Variants in GLS observed in about 807,000 individuals in gnomAD.
GLS encodes glutaminase, also known as glutaminase kidney isoform, mitochondrial.
In GLS, 36 loss-of-function variants were observed where a neutral mutation model predicts 86.7. The ratio of observed to expected loss-of-function variants is 0.42; its 90% CI spans 0.32 to 0.55. The LOEUF is 0.55. Among genes scored for constraint, GLS ranks in the 20% least tolerant of loss-of-function variants. The probability of loss-of-function intolerance (pLI) is 0.17; values close to 1 mark genes in which losing one functional copy is unlikely to be tolerated. For synonymous variants in GLS, 317 were observed against 305.9 expected (o/e 1.04, Z -0.38); for missense variants, 528 against 833.4 (o/e 0.63, Z 4.51).
At chr2:190,916,997 G>A (rs1055523550) in intron 7 of GLS, among the ~76,000 whole-genome samples, 2 of 152,190 alleles carry the variant, frequency 1.3e-5, no homozygotes, top group Admixed American at 6.5e-5. Context: ...AATGGTGGTG[G>A]TTGCTGAAGA....
intron 14 of GLS, among the ~76,000 whole-genome samples, chr2:190,944,196 A>ATTT (rs5837212): frequency 2.7e-5 from 4 of 147,236 alleles, no homozygotes; most frequent in African/African-American, 5.0e-5. Flanking sequence ...AATGGCCTGG[A>ATTT]TTTTTTTTTT....
At chr2:190,891,417 A>G (rs755461729) in intron 1 of GLS, among the ~76,000 whole-genome samples, 3 of 152,104 alleles carry the variant, frequency 2.0e-5, no homozygotes, top group Admixed American at 1.3e-4. Context: ...ATGATCATTG[A>G]TAGCTTAAGA....
chr2:190,949,640 C>T lies in GLS; in HGVS notation c.1651-3925C>T, dbSNP rs932775739. ...CCCGAGAGGCGAAGGTTGTATGAGC[C>T]GAGATCTTGCCACTGCACTCCAGCC... On this transcript the variant is annotated intron_variant, in intron 14 of 17. Transcript: ENST00000320717. This position sits in a 1 kb window ranked among gnomAD's most constrained non-coding sequence, Gnocchi z 4.0. Among the ~76,000 whole-genome samples the T allele has an allele frequency of 1.3e-4, 19 of 151,898 alleles. No individual in the cohort carries two copies. The highest frequency in any genetic ancestry group is 1.9e-4 in the Non-Finnish European group (13 of 67,974).
At position 190,924,474 on chromosome 2, in the gene GLS, T is replaced by G. The variant is rs574007459; in HGVS notation, c.1198-69T>G. On this transcript the variant is annotated intron_variant, in intron 10 of 17. Transcript: ENST00000320717. The surrounding 1 kb of genome is among the most constrained non-coding windows in gnomAD (Gnocchi z 5.2). ...AACACTTGTGTACATTTGAAATTTTTCATATATTTCTCTACTTATGTGCAT... is the reference window on the plus strand; with the variant it reads ...AACACTTGTGTACATTTGAAATTTTGCATATATTTCTCTACTTATGTGCAT... The G allele has an allele frequency of 1.2e-6, 1 of 804,146 alleles. No individual in the cohort carries two copies. Among genetic ancestry groups the G allele is most frequent in the East Asian group, 2.5e-5 (1 of 40,780 alleles). 49.8% of individuals were successfully genotyped at this position (804,146 alleles called of 1,614,324 possible).
rs1157289574 is a variant in GLS, at chr2:190,943,233, G to A, written c.1651-10332G>A. ...TGAGATATCTAAGTAGTGATGTTGA[G>A]TAAGCAGTCAGATTTAGGCCTAAAA... On this transcript the variant is annotated intron_variant, in intron 14 of 17. Coordinates refer to ENST00000320717, the MANE Select transcript of GLS (RefSeq NM_014905.5). The surrounding 1 kb of genome is among the most constrained non-coding windows in gnomAD (Gnocchi z 4.5). Among the ~76,000 whole-genome samples the A allele has an allele frequency of 2.0e-5, 3 of 152,182 alleles. No homozygotes were observed. The highest frequency in any genetic ancestry group is 2.9e-5 in the Non-Finnish European group (2 of 68,028).
intron 14 of GLS, among the ~76,000 whole-genome samples, chr2:190,937,082 T>A (rs1429051820): frequency 6.6e-6 from 1 of 151,348 alleles, no homozygotes; most frequent in Non-Finnish European, 1.5e-5. Flanking sequence ...ATGCTCAGAT[T>A]TTCATTTAGA....
chr2:190,885,350 C>G (rs575690980), intron 1 of GLS, among the ~76,000 whole-genome samples: 2 of 152,040 alleles, frequency 1.3e-5, no homozygotes, highest in African/African-American at 4.8e-5. Context: ...CGCCACCATG[C>G]GTGGCTAATT....
At chr2:190,933,516 A>G (rs1690175310) in intron 14 of GLS, 27 of 921,914 alleles carry the variant, frequency 2.9e-5, no homozygotes, top group Non-Finnish European at 3.5e-5. Context: ...CTGTTCTGTC[A>G]GAGTTGTTAT....
At chr2:190,927,161 C>T in intron 11 of GLS, 145 bp from the exon 12 acceptor site, 2 of 689,726 alleles carry the variant, frequency 2.9e-6, no homozygotes, top group Non-Finnish European at 4.5e-6. Context: ...CTAAAATCTT[C>T]AGAATGTCCT....
intron 1 of GLS, among the ~76,000 whole-genome samples, chr2:190,889,327 G>A (rs945851370): frequency 6.6e-6 from 1 of 152,150 alleles, no homozygotes; most frequent in Non-Finnish European, 1.5e-5. Context: ...CCCAGCTGCT[G>A]CTTTCTTCTC....
intron 4 of GLS, among the ~76,000 whole-genome samples, chr2:190,901,061 T>G (rs1343125633): frequency 6.6e-6 from 1 of 152,122 alleles, no homozygotes; most frequent in Admixed American, 6.6e-5. Context: ...TATTTGATTT[T>G]CATATAGAAA....
chr2:190,907,335 G>A (rs775509209), intron 6 of GLS, among the ~76,000 whole-genome samples: 8 of 149,724 alleles, frequency 5.3e-5, no homozygotes, highest in Non-Finnish European at 7.4e-5. Context: ...TCGGCTCACC[G>A]CAACCTCCGC....
intron 1 of GLS, among the ~76,000 whole-genome samples, chr2:190,892,187 A>G (rs953641896): frequency 6.6e-6 from 1 of 152,152 alleles, no homozygotes; most frequent in Admixed American, 6.5e-5. Context: ...AAGACAGTTA[A>G]AGGCTAAAGT....
chr2:190,927,777 T>C (rs866171190), intron 12 of GLS: 7 of 191,372 alleles, frequency 3.7e-5, no homozygotes, highest in Middle Eastern at 2.0e-3. Context: ...TTTAGCATTA[T>C]GATTATGTAT....
intron 7 of GLS, 27 bp downstream of exon 7, chr2:190,910,348 C>T: frequency 7.6e-7 from 1 of 1,322,390 alleles, no homozygotes; most frequent in South Asian, 1.3e-5. Context: ...TCATTTTAAC[C>T]TAGTAAAACT....
chr2:190,932,838 G>T, intron 14 of GLS: 1 of 1,559,982 alleles, frequency 6.4e-7, no homozygotes, highest in Non-Finnish European at 8.7e-7. Flanking sequence ...TATATAGAAT[G>T]GAAAGTCTGG....
Position 190,924,634 on chromosome 2 carries a change from C to A in GLS, c.1248+41C>A, listed in dbSNP as rs1035314668. On this transcript the variant is annotated intron_variant, in intron 11 of 17. Coordinates refer to ENST00000320717, the MANE Select transcript of GLS (RefSeq NM_014905.5). The surrounding 1 kb of genome is among the most constrained non-coding windows in gnomAD (Gnocchi z 5.2). Reference sequence around the variant, plus strand: ...AAATCGTATATATAAATGGATGTGTCGGCTGGGCACGGTGGCTCACGCCTG... The same window carrying A: ...AAATCGTATATATAAATGGATGTGTAGGCTGGGCACGGTGGCTCACGCCTG... 9.2e-7 allele frequency: 1 copy of A among 1,089,376 alleles called. No homozygotes were observed. The highest frequency in any genetic ancestry group is 1.3e-5 in the South Asian group (1 of 79,808). The allele number at this position is 1,089,376 out of a possible 1,614,324, so 67.5% of individuals were successfully genotyped here. A position where few individuals can be genotyped will look rare whatever the true frequency, so the allele number is the denominator to read the frequency against.
chr2:190,954,789 C>T lies in GLS; in HGVS notation c.1824C>T (p.Ala608=), dbSNP rs375539766. 6.2e-7 allele frequency: 1 copy of T among 1,613,424 alleles called. No homozygotes were observed. Among genetic ancestry groups the T allele is most frequent in the Non-Finnish European group, 8.5e-7 (1 of 1,179,734 alleles). The part of the protein sequence containing the change: ...HVEVVKFLLE[A]CKVNPFPKDR... ...AAGTTGTTAAATTTTTGCTGGAAGC[C>T]TGCAAAGTAAACCCTTTCCCCAAGG... is the stretch of plus-strand genomic sequence containing the variant. The change falls in exon 17 of 18, where the codon GCC becomes GCT. Residue 608 remains alanine, a synonymous_variant. Coordinates refer to ENST00000320717, the MANE Select transcript of GLS (RefSeq NM_014905.5). The surrounding 1 kb of genome is among the most constrained non-coding windows in gnomAD (Gnocchi z 4.0).
At chr2:190,894,972 CAGTGTGGTTTAT>C (rs1275276747) in intron 1 of GLS, among the ~76,000 whole-genome samples, 168 bp from the exon 2 acceptor site, 3 of 151,992 alleles carry the variant, frequency 2.0e-5, no homozygotes, top group Non-Finnish European at 4.4e-5. Context: ...ACTTGTTTTT[CAGTGTGGTTTAT>C]AGTGGTACTG....
Sources: gnomAD v4.1 joint callset for allele counts (sites outside exome capture counted in the v4.1 genomes callset) on GRCh38, gnomAD v4.1.1 for gene constraint, Gnocchi (gnomAD v3.1) non-coding constraint, MANE v1.5 for transcripts, NCBI Gene and HGNC (gene_info 2026-07-23, HGNC 2026-07-21) for gene names.